SMYD3: variants seen among roughly 807,000 people sequenced by gnomAD.
The protein encoded by SMYD3 is histone-lysine N-methyltransferase SMYD3.
SMYD3 carries 36 observed loss-of-function variants against 57.7 expected under a neutral mutation model. That is an observed-to-expected ratio of 0.62 (90% CI 0.48 to 0.82). The LOEUF is 0.82. Among genes scored for constraint, SMYD3 ranks in the 40% least tolerant of loss-of-function variants. SMYD3 has a pLI of 0.00. For missense variants in SMYD3, 515 were observed against 538.8 expected, an observed-to-expected ratio of 0.96 and a Z score of 0.44; for synonymous variants, 211 against 195.0, an observed-to-expected ratio of 1.08 and a Z score of -0.68.
rs2065904318 is a variant in SMYD3 at position 246,355,921 on chromosome 1, A to G, written c.165-827T>C. On this transcript the variant is annotated intron_variant, in intron 1 of 11. Transcript: ENST00000490107. This position sits in a 1 kb window ranked among gnomAD's most constrained non-coding sequence, Gnocchi z 5.0. ...AGCTCTATGGCCCTGCCTACCACCT[A>G]AGAAACCTGAATAGGTAACCAGGCG... Among the ~76,000 whole-genome samples, 1 of 152,140 alleles carries G rather than the reference A, an allele frequency of 6.6e-6. No individual in the cohort carries two copies. Among genetic ancestry groups the G allele is most frequent in the Admixed American group, 6.5e-5 (1 of 15,288 alleles).
chr1:246,443,279 G>A (rs777519100), intron 1 of SMYD3, among the ~76,000 whole-genome samples: 1 of 152,124 alleles, frequency 6.6e-6, no homozygotes, highest in Non-Finnish European at 1.5e-5. Flanking sequence ...TTCTCCATCT[G>A]CAAGTACAGC....
chr1:246,308,314 C>T (rs572293720), intron 5 of SMYD3, among the ~76,000 whole-genome samples: 7 of 152,142 alleles, frequency 4.6e-5, no homozygotes, highest in Non-Finnish European at 8.8e-5. Flanking sequence ...ATTTATTAAA[C>T]TGGTTCTTTC....
At position 246,487,741 on chromosome 1, in the gene SMYD3, C is replaced by A. The variant is rs187310401; in HGVS notation, c.164+19313G>T. ...TGGAGTTTCACTCTTGTTGCCCAGGCTGGAGTGCAATGACGCGACCTCAGC... is the reference window on the plus strand; with the variant it reads ...TGGAGTTTCACTCTTGTTGCCCAGGATGGAGTGCAATGACGCGACCTCAGC... On this transcript the variant is annotated intron_variant, in intron 1 of 11. Transcript: ENST00000490107. 8.1e-5 allele frequency among the ~76,000 whole-genome samples: 12 copies of A among 149,062 alleles called. No individual in the cohort carries two copies. The East Asian group carries it at 2.4e-3, about 29-fold the overall frequency.
intron 1 of SMYD3, among the ~76,000 whole-genome samples, chr1:246,487,243 T>C (rs759032675): frequency 6.6e-6 from 1 of 152,160 alleles, no homozygotes; most frequent in South Asian, 2.1e-4. Flanking sequence ...AGCCAGGAGT[T>C]TGAAACCAGC....
chr1:245,935,119 C>T (rs979429252), intron 5 of SMYD3, among the ~76,000 whole-genome samples: 19 of 152,140 alleles, frequency 1.2e-4, no homozygotes, highest in African/African-American at 4.6e-4. Context: ...AAAGAGACAA[C>T]CCACAGAGTG....
At chr1:245,778,992 T>C (rs1572313549) in intron 10 of SMYD3, among the ~76,000 whole-genome samples, 1 of 151,954 alleles carries the variant, frequency 6.6e-6, no homozygotes, top group Non-Finnish European at 1.5e-5. Flanking sequence ...AAATCCTGTC[T>C]CTACTAAAAA....
chr1:245,819,283 C>T (rs1007653294), intron 10 of SMYD3, among the ~76,000 whole-genome samples: 7 of 138,492 alleles, frequency 5.1e-5, no homozygotes, highest in Non-Finnish European at 9.4e-5. Context: ...ACAACCTGCT[C>T]CTGAATGACT....
intron 5 of SMYD3, among the ~76,000 whole-genome samples, chr1:246,227,292 A>G (rs1274900182): frequency 6.6e-6 from 1 of 152,184 alleles, no homozygotes; most frequent in Non-Finnish European, 1.5e-5. Context: ...ATTTCAGCTC[A>G]TGCACTGGGG....
chr1:246,307,566 C>T (rs1475191012), intron 5 of SMYD3, among the ~76,000 whole-genome samples: 5 of 151,210 alleles, frequency 3.3e-5, no homozygotes, highest in African/African-American at 1.2e-4. Context: ...ACTACAGGCG[C>T]CCGCCACCAC....
intron 5 of SMYD3, among the ~76,000 whole-genome samples, chr1:245,938,721 T>G (rs6666440): frequency 0.73 from 111,188 of 152,030 alleles, 42,070 homozygotes; most frequent in Non-Finnish European, 0.84. Context: ...TCATTTGATC[T>G]TTTGTCTTCT....
In SMYD3 at chr1:246,216,416, A is replaced by C. The variant is rs561958070; in HGVS notation, c.531+110785T>G. Reference sequence around the variant, plus strand: ...CTGACAAATATCTTCTAAATGCATCAGTACATTGTTTGTACCCTCATTTGG... The same window carrying C: ...CTGACAAATATCTTCTAAATGCATCCGTACATTGTTTGTACCCTCATTTGG... On this transcript the variant is annotated intron_variant, in intron 5 of 11. Transcript: ENST00000490107. Among the ~76,000 whole-genome samples, 453 of 152,282 alleles carry C rather than the reference A, an allele frequency of 3.0e-3. 2 individuals carry two copies. The highest frequency in any genetic ancestry group is 0.02 in the Middle Eastern group (6 of 294).
chr1:246,191,370 T>G (rs963433649), intron 5 of SMYD3, among the ~76,000 whole-genome samples: 4 of 152,158 alleles, frequency 2.6e-5, no homozygotes, highest in African/African-American at 9.7e-5. Context: ...GGTAAAAAAA[T>G]TCAACGTTTT....
At position 246,336,202 on chromosome 1, in the gene SMYD3, G is replaced by A. The variant is rs574730799; in HGVS notation, c.229-728C>T. 1.6e-4 allele frequency among the ~76,000 whole-genome samples: 24 copies of A among 152,254 alleles called. No individual in the cohort carries two copies. In the South Asian group the frequency reaches 5.0e-3, roughly 32 times the overall value. On this transcript the variant is annotated intron_variant, in intron 2 of 11. Coordinates refer to ENST00000490107, the MANE Select transcript of SMYD3 (RefSeq NM_001167740.2). ...GTCAGTTGCCAATGTACAGATGAATGGACTAAAGGGAAGGACACTATCCTT... is the reference window on the plus strand; with the variant it reads ...GTCAGTTGCCAATGTACAGATGAATAGACTAAAGGGAAGGACACTATCCTT...
At chr1:246,330,615 G>T (rs1558405897) in intron 3 of SMYD3, 78 bp from the exon 4 acceptor site, 5 of 1,229,256 alleles carry the variant, frequency 4.1e-6, no homozygotes. Flanking sequence ...GAGTACCTTT[G>T]TATATTTAAA....
intron 5 of SMYD3, among the ~76,000 whole-genome samples, chr1:245,971,700 C>T (rs973324107): frequency 6.6e-6 from 1 of 152,156 alleles, no homozygotes; most frequent in African/African-American, 2.4e-5. Context: ...GTGCCTGGTA[C>T]ATAGCAGTCA....
intron 5 of SMYD3, among the ~76,000 whole-genome samples, chr1:246,158,635 T>C (rs988517470): frequency 6.6e-6 from 1 of 152,204 alleles, no homozygotes; most frequent in African/African-American, 2.4e-5. Flanking sequence ...TAGCACATAA[T>C]ACGTGCTCAA....
chr1:246,256,811 T>C (rs904595963), intron 5 of SMYD3, among the ~76,000 whole-genome samples: 3 of 152,188 alleles, frequency 2.0e-5, no homozygotes, highest in Non-Finnish European at 4.4e-5. Context: ...TTTAGCACTA[T>C]AAAATTTCCT....
intron 10 of SMYD3, among the ~76,000 whole-genome samples, chr1:245,778,222 C>G (rs1237112354): frequency 6.6e-6 from 1 of 151,998 alleles, no homozygotes; most frequent in African/African-American, 2.4e-5. Flanking sequence ...CTAAGCAATT[C>G]TAAAAAATAA....
chr1:245,906,559 C>G (rs1433486045), intron 8 of SMYD3, among the ~76,000 whole-genome samples: 1 of 152,140 alleles, frequency 6.6e-6, no homozygotes, highest in Non-Finnish European at 1.5e-5. Context: ...TAAATTAATA[C>G]AACCACTATG....
Sources: gnomAD v4.1 joint callset for allele counts (sites outside exome capture counted in the v4.1 genomes callset) on GRCh38, gnomAD v4.1.1 for gene constraint, Gnocchi (gnomAD v3.1) non-coding constraint, MANE v1.5 for transcripts, NCBI Gene and HGNC (gene_info 2026-07-23, HGNC 2026-07-21) for gene names.